KLF7: variants seen among roughly 807,000 people sequenced by gnomAD.
KLF7 encodes Krueppel-like factor 7.
In KLF7, 2 loss-of-function variants were observed where a neutral mutation model predicts 27.3. The observed-to-expected ratio is 0.07, with a 90% CI of 0.03 to 0.23. The LOEUF is 0.23. KLF7 is among the 10% of genes least tolerant of loss of function. The pLI is 1.00. For missense variants in KLF7, 221 were observed against 394.1 expected (o/e 0.56, Z 3.72); for synonymous variants, 165 against 162.4 (o/e 1.02, Z -0.12).
At chr2:207,166,134 G>T, upstream of KLF7, 1 of 983,662 alleles carries the variant, frequency 1.0e-6, no homozygotes, top group South Asian at 4.7e-5. Flanking sequence ...CCCTCCGTTC[G>T]GTTCTCCGCG....
At chr2:207,113,614 G>T (rs1201191086) in intron 2 of KLF7, among the ~76,000 whole-genome samples, 2 of 129,696 alleles carry the variant, frequency 1.5e-5, no homozygotes, top group Non-Finnish European at 3.4e-5. Context: ...GGGTGGGGGG[G>T]GGGGGGAAAT....
chr2:207,148,259 A>T (rs563671662), intron 1 of KLF7, among the ~76,000 whole-genome samples: 1 of 152,302 alleles, frequency 6.6e-6, no homozygotes, highest in Non-Finnish European at 1.5e-5. Context: ...AAATCCCTAC[A>T]GAGGTTGGTT....
At chr2:207,100,668 T>G (rs982934322) in intron 2 of KLF7, among the ~76,000 whole-genome samples, 6 of 152,158 alleles carry the variant, frequency 3.9e-5, no homozygotes, top group Non-Finnish European at 7.4e-5. Context: ...ATTCTCCACA[T>G]GTCACCCCAT....
At chr2:207,123,740 G>A (rs1220836301) in intron 2 of KLF7, 34 bp downstream of exon 2, 1 of 1,584,646 alleles carries the variant, frequency 6.3e-7, no homozygotes. Flanking sequence ...GGAGGGGAAA[G>A]AAGAAACCAC....
chr2:207,161,988 C>A (rs1448858693), intron 1 of KLF7, among the ~76,000 whole-genome samples: 1 of 152,178 alleles, frequency 6.6e-6, no homozygotes, highest in Non-Finnish European at 1.5e-5. Flanking sequence ...ATGCGATGCT[C>A]CTCAATGACA....
chr2:207,150,077 C>T (rs1166328837), intron 1 of KLF7, among the ~76,000 whole-genome samples: 1 of 152,186 alleles, frequency 6.6e-6, no homozygotes, highest in African/African-American at 2.4e-5. Flanking sequence ...CTTCCTTCAT[C>T]CCTGAATACC....
chr2:207,087,911 C>T (rs923187291), intron 3 of KLF7, among the ~76,000 whole-genome samples: 1 of 152,078 alleles, frequency 6.6e-6, no homozygotes, highest in South Asian at 2.1e-4. Context: ...TTTTTGCACC[C>T]TTGTACCTAT....
intron 1 of KLF7, among the ~76,000 whole-genome samples, chr2:207,158,035 C>T (rs1226817445): frequency 2.0e-5 from 3 of 152,006 alleles, no homozygotes; most frequent in Non-Finnish European, 4.4e-5. Flanking sequence ...AAAATGAGGG[C>T]CTGAAACCCA....
intron 2 of KLF7, among the ~76,000 whole-genome samples, chr2:207,090,940 A>G (rs926650472): frequency 6.6e-6 from 1 of 152,186 alleles, no homozygotes; most frequent in African/African-American, 2.4e-5. Context: ...AACGCCCTCC[A>G]CCCATGAAGG....
intron 1 of KLF7, among the ~76,000 whole-genome samples, chr2:207,154,987 C>G (rs957815761): frequency 6.6e-6 from 1 of 152,188 alleles, no homozygotes; most frequent in Non-Finnish European, 1.5e-5. Flanking sequence ...TGCCAGGTCA[C>G]GACCTTTGGC....
Position 207,076,897 on chromosome 2 carries a change from G to C in KLF7, c.*4316C>G, listed in dbSNP as rs2076185445. 1 of 152,154 alleles carries C rather than the reference G, an allele frequency of 6.6e-6. No homozygotes were observed. Among genetic ancestry groups the C allele is most frequent in the Non-Finnish European group, 1.5e-5 (1 of 68,040 alleles). The allele number at this position is 152,154 out of a possible 1,614,324, so 9.4% of individuals were successfully genotyped here. On this transcript the variant is annotated 3_prime_UTR_variant, in exon 4 of 4. Transcript: ENST00000309446. ...AAATTTCAATCAGGTTCTATTTACT[G>C]AATGTTCATTTTGGCAATGTTCTGG...
intron 2 of KLF7, among the ~76,000 whole-genome samples, chr2:207,095,031 C>CTTTTTTTTTTTTTT (rs36091471): frequency 7.4e-4 from 61 of 82,442 alleles, no homozygotes; most frequent in Non-Finnish European, 8.8e-4. Context: ...TGTTTTTATT[C>CTTTTTTTTTTTTTT]TTTTTTTTTT....
At chr2:207,168,325 T>C (rs1406030093), upstream of KLF7, among the ~76,000 whole-genome samples, 1 of 152,234 alleles carries the variant, frequency 6.6e-6, no homozygotes, top group Non-Finnish European at 1.5e-5. Context: ...GAATGTGCCG[T>C]ATGCGCATAA....
rs1436898689 is a variant in KLF7 at position 207,076,089 on chromosome 2, C to T, written c.*5124G>A. On this transcript the variant is annotated 3_prime_UTR_variant, in exon 4 of 4. Transcript: ENST00000309446. ...TATTAGGCACTGGTGGCTACTCCTC[C>T]GAAACGTCAGTAGCCTGTTTTCCTT... 1 of 152,048 alleles carries T rather than the reference C, an allele frequency of 6.6e-6. No individual in the cohort carries two copies. The highest frequency in any genetic ancestry group is 1.5e-5 in the Non-Finnish European group (1 of 68,004). 9.4% of individuals were successfully genotyped at this position (152,048 alleles called of 1,614,324 possible).
rs1462175299 is a variant in KLF7 at position 207,165,796 on chromosome 2, A to C, written c.-228T>G. ...GTGGGGTGGATGGAGAGAGGCATCCAGCGTGTACAGTGCAGACGACTGCCA... is the reference window on the plus strand; with the variant it reads ...GTGGGGTGGATGGAGAGAGGCATCCCGCGTGTACAGTGCAGACGACTGCCA... On this transcript the variant is annotated 5_prime_UTR_variant, in exon 1 of 4. Coordinates refer to ENST00000309446, the MANE Select transcript of KLF7 (RefSeq NM_003709.4). 7.0e-7 allele frequency: 1 copy of C among 1,420,254 alleles called. No homozygotes were observed. The highest frequency in any genetic ancestry group is 1.4e-5 in the African/African-American group (1 of 69,342). 88.0% of individuals were successfully genotyped at this position (1,420,254 alleles called of 1,614,324 possible).
At chr2:207,144,052 T>C (rs958556653) in intron 1 of KLF7, among the ~76,000 whole-genome samples, 1 of 143,520 alleles carries the variant, frequency 7.0e-6, no homozygotes, top group African/African-American at 2.6e-5. Context: ...CATGCTTCAT[T>C]AGAGTCTTAA....
intron 1 of KLF7, among the ~76,000 whole-genome samples, chr2:207,148,796 C>T (rs1343587162): frequency 6.6e-6 from 1 of 152,110 alleles, no homozygotes; most frequent in Non-Finnish European, 1.5e-5. Flanking sequence ...TATACTGTGC[C>T]TTCCTCACTC....
intron 1 of KLF7, among the ~76,000 whole-genome samples, chr2:207,154,706 TG>T: frequency 6.6e-6 from 1 of 152,260 alleles, no homozygotes; most frequent in East Asian, 1.9e-4. Context: ...ATTTGTTGAG[TG>T]GATGTTATGT....
At chr2:207,150,669 G>A (rs1337376443) in intron 1 of KLF7, among the ~76,000 whole-genome samples, 1 of 152,120 alleles carries the variant, frequency 6.6e-6, no homozygotes, top group African/African-American at 2.4e-5. Flanking sequence ...GATAAAGTCA[G>A]GACTAAATTC....
Sources: allele counts gnomAD v4.1 joint callset (sites outside exome capture counted in the v4.1 genomes callset), GRCh38; gene constraint gnomAD v4.1.1; transcripts MANE v1.5; gene names NCBI Gene and HGNC (gene_info 2026-07-23, HGNC 2026-07-21).